Variants in PBRM1 observed in about 807,000 individuals in gnomAD.
PBRM1 encodes the protein polybromo 1, also known as protein polybromo-1.
In PBRM1, 27 loss-of-function variants were observed where a neutral mutation model predicts 194.5. The observed-to-expected ratio is 0.14, with a 90% CI of 0.10 to 0.19. The LOEUF is 0.19. Among genes scored for constraint, PBRM1 ranks in the 10% least tolerant of loss-of-function variants. PBRM1 has a pLI of 1.00. For synonymous variants in PBRM1, 655 were observed against 693.2 expected (o/e 0.94, Z 0.87); for missense variants, 1,466 against 2,077.2 (o/e 0.71, Z 5.72).
chr3:52,584,797 TC>T (rs1201588027), intron 20 of PBRM1, among the ~76,000 whole-genome samples: 1 of 152,176 alleles, frequency 6.6e-6, no homozygotes, highest in African/African-American at 2.4e-5. Flanking sequence ...CTTTTGTTTA[TC>T]TAACTACATT....
chr3:52,561,844 T>C (rs2083616731), exon 25 of PBRM1: 1 of 1,613,888 alleles, frequency 6.2e-7, no homozygotes, highest in Non-Finnish European at 8.5e-7. Flanking sequence ...CCCGAAAGAG[T>C]AGTCTGGGTG....
upstream of PBRM1, among the ~76,000 whole-genome samples, chr3:52,684,498 G>GA (rs1198824478): frequency 2.1e-4 from 31 of 151,024 alleles, no homozygotes; most frequent in Non-Finnish European, 4.4e-5. Flanking sequence ...GGACTCAAAG[G>GA]AAAAAAAACA....
At chr3:52,630,475 C>A (rs1262805786) in intron 11 of PBRM1, among the ~76,000 whole-genome samples, 1 of 152,164 alleles carries the variant, frequency 6.6e-6, no homozygotes, top group African/African-American at 2.4e-5. Flanking sequence ...GCTCAATAGC[C>A]ACATATGACT....
intron 25 of PBRM1, 141 bp from the exon 28 acceptor site, chr3:52,558,554 CAGG>C (rs2082705206): frequency 3.0e-6 from 2 of 662,794 alleles, no homozygotes; most frequent in South Asian, 6.3e-5. Context: ...AGTCTCAACA[CAGG>C]AGGAGTCGGG....
In PBRM1 at chr3:52,648,392, G is replaced by A. The variant is rs148664439; in HGVS notation, c.765C>T (p.Leu255=). The change falls in exon 7 of 30, where the codon CTC becomes CTT. Residue 255 remains leucine, a synonymous_variant. Coordinates refer to ENST00000296302, the Ensembl canonical transcript of PBRM1. ...CATTATAAGTTTTGGCATTTTTTGC[G>A]AGGAGATCTATATCTTTGGCCATTG... 1,402 of 1,609,474 alleles carry A rather than the reference G, an allele frequency of 8.7e-4. 2 individuals are homozygous for A. Among genetic ancestry groups the A allele is most frequent in the Non-Finnish European group, 1.1e-3 (1,322 of 1,177,370 alleles).
At chr3:52,595,413 G>C (rs2093453049) in intron 17 of PBRM1, among the ~76,000 whole-genome samples, 1 of 152,124 alleles carries the variant, frequency 6.6e-6, no homozygotes, top group South Asian at 2.1e-4. Context: ...ATATCTCATT[G>C]TTTGTTCTGA....
chr3:52,638,682 C>T (rs868583370), intron 10 of PBRM1, among the ~76,000 whole-genome samples: 23 of 151,946 alleles, frequency 1.5e-4, no homozygotes, highest in Admixed American at 3.3e-4. Flanking sequence ...CAAACTTGAA[C>T]TCCTGGGCTC....
At chr3:52,638,978 T>C (rs1244643160) in intron 10 of PBRM1, among the ~76,000 whole-genome samples, 2 of 58,940 alleles carry the variant, frequency 3.4e-5, no homozygotes, top group Non-Finnish European at 6.3e-5. Flanking sequence ...GTTATTCACA[T>C]TTTTTTTTGG....
chr3:52,630,266 G>C (rs1027731120), intron 11 of PBRM1, among the ~76,000 whole-genome samples: 3 of 152,250 alleles, frequency 2.0e-5, no homozygotes, highest in East Asian at 1.9e-4. Context: ...GTAGCATATG[G>C]AGTCCACACT....
rs2092757753 is a variant in PBRM1, at chr3:52,589,128, T to C, written c.2907A>G (p.Ala969=). 6 of 1,613,670 alleles carry C rather than the reference T, an allele frequency of 3.7e-6. No homozygotes were observed. In the East Asian group the frequency reaches 1.3e-4, roughly 36 times the overall value. ...CGATATGTGGTTGTAGGTTGGCCTC[T>C]GCAGGTTCCACATAGACGTAATCTC... Residue 969 remains alanine, a synonymous_variant, in exon 18 of 30, where the codon GCA becomes GCG. Transcript: ENST00000296302.
At chr3:52,676,322 CAT>C (rs1298422967) in intron 2 of PBRM1, among the ~76,000 whole-genome samples, 4 of 152,262 alleles carry the variant, frequency 2.6e-5, no homozygotes, top group Non-Finnish European at 4.4e-5. Flanking sequence ...AGAATTCCCA[CAT>C]GTTGTGGGAG....
intron 13 of PBRM1, among the ~76,000 whole-genome samples, chr3:52,618,057 C>T (rs1401357745): frequency 6.6e-6 from 1 of 152,200 alleles, no homozygotes; most frequent in African/African-American, 2.4e-5. Context: ...AGGAGACTGC[C>T]AGACTAGTGT....
At position 52,609,173 on chromosome 3, in the gene PBRM1, C is replaced by A; in HGVS notation, c.2567+140G>T. ...TATACTCACTCTTAAGAAGTTCTGGCTGATTAGAATTCAGAATAGCATGCT... is the reference window on the plus strand; with the variant it reads ...TATACTCACTCTTAAGAAGTTCTGGATGATTAGAATTCAGAATAGCATGCT... On this transcript the variant is annotated intron_variant, in intron 16 of 29. Transcript: ENST00000296302. This position sits in a 1 kb window ranked among gnomAD's most constrained non-coding sequence, Gnocchi z 4.1. 1.5e-6 allele frequency: 1 copy of A among 683,150 alleles called. No individual in the cohort carries two copies. The highest frequency in any genetic ancestry group is 1.9e-5 in the South Asian group (1 of 51,676). The allele number at this position is 683,150 out of a possible 1,614,324, so 42.3% of individuals were successfully genotyped here.
upstream of PBRM1, chr3:52,681,053 C>T (rs1485651531): frequency 3.3e-5 from 5 of 151,588 alleles, no homozygotes; most frequent in Non-Finnish European, 7.4e-5. Flanking sequence ...GAGTCAGCAC[C>T]TCATCTGCTT....
Position 52,618,707 on chromosome 3 carries a change from G to C in PBRM1, c.1542-1169C>G, listed in dbSNP as rs1448426746. 1.3e-4 allele frequency among the ~76,000 whole-genome samples: 19 copies of C among 149,152 alleles called. No individual in the cohort carries two copies. In the Admixed American group the frequency reaches 1.3e-3, roughly 10 times the overall value. On this transcript the variant is annotated intron_variant, in intron 13 of 29. Coordinates refer to ENST00000296302, the Ensembl canonical transcript of PBRM1. ...CCTCCTGGGTTCAAGCGATTCTCCT[G>C]CCTCAGCCTTCCAAGTAGCTGGGAT...
chr3:52,601,289 G>C (rs1277570613), intron 17 of PBRM1, among the ~76,000 whole-genome samples: 2 of 152,180 alleles, frequency 1.3e-5, no homozygotes, highest in Non-Finnish European at 2.9e-5. Flanking sequence ...TGGCACCAGG[G>C]ACCAGTTTCG....
chr3:52,673,061 C>G (rs2154019288), intron 2 of PBRM1, among the ~76,000 whole-genome samples: 1 of 151,840 alleles, frequency 6.6e-6, no homozygotes, highest in South Asian at 2.1e-4. Flanking sequence ...AATCTCAGCT[C>G]ACTGCAACCT....
intron 20 of PBRM1, 40 bp downstream of exon 22, chr3:52,586,385 G>T: frequency 6.5e-7 from 1 of 1,541,300 alleles, no homozygotes; most frequent in Non-Finnish European, 8.9e-7. Flanking sequence ...TAGGTGTTTT[G>T]AGATGTAAAA....
intron 21 of PBRM1, among the ~76,000 whole-genome samples, chr3:52,576,964 A>G (rs1575931035): frequency 6.6e-6 from 1 of 152,254 alleles, no homozygotes; most frequent in South Asian, 2.1e-4. Context: ...TAATAGTTTT[A>G]TCTAATGACC....
Sources: gnomAD v4.1 joint callset for allele counts (sites outside exome capture counted in the v4.1 genomes callset) on GRCh38, gnomAD v4.1.1 for gene constraint, Gnocchi (gnomAD v3.1) non-coding constraint, MANE v1.5 for transcripts, NCBI Gene and HGNC (gene_info 2026-07-23, HGNC 2026-07-21) for gene names.